SLC30A9: variants seen among roughly 807,000 people sequenced by gnomAD.
SLC30A9 encodes solute carrier family 30 member 9.
In SLC30A9, 58 loss-of-function variants were observed where a neutral mutation model predicts 87.5. The ratio of observed to expected loss-of-function variants is 0.66; its 90% CI spans 0.54 to 0.82. SLC30A9 has a LOEUF of 0.82. Among genes scored for constraint, SLC30A9 ranks in the 40% least tolerant of loss-of-function variants. The pLI is 0.00. For synonymous variants in SLC30A9, 234 were observed against 233.0 expected (o/e 1.00, Z -0.04); for missense variants, 557 against 679.1 (o/e 0.82, Z 2.00).
At chr4:42,023,501 G>A (rs1231634617) in intron 6 of SLC30A9, 117 bp downstream of exon 6, 7 of 600,028 alleles carry the variant, frequency 1.2e-5, no homozygotes, top group Non-Finnish European at 2.1e-5. Context: ...GTTGCTTCCA[G>A]CAAATGCTAG....
chr4:41,992,045 A>G (rs1303700551), intron 1 of SLC30A9, among the ~76,000 whole-genome samples: 1 of 152,094 alleles, frequency 6.6e-6, no homozygotes, highest in African/African-American at 2.4e-5. Context: ...GGACAGAATG[A>G]ATCATCGGCT....
chr4:42,033,309 T>C (rs1716527424), intron 6 of SLC30A9, among the ~76,000 whole-genome samples: 1 of 151,834 alleles, frequency 6.6e-6, no homozygotes, highest in Admixed American at 6.6e-5. Context: ...AGTAACTGTT[T>C]TAAAGTTTTT....
At chr4:42,048,221 T>C (rs1344347557) in intron 8 of SLC30A9, among the ~76,000 whole-genome samples, 1 of 152,006 alleles carries the variant, frequency 6.6e-6, no homozygotes, top group Non-Finnish European at 1.5e-5. Flanking sequence ...AAACTTAAAT[T>C]ATAAATTTAA....
At chr4:42,030,563 G>C (rs1192125524) in intron 6 of SLC30A9, among the ~76,000 whole-genome samples, 2 of 150,098 alleles carry the variant, frequency 1.3e-5, no homozygotes, top group Non-Finnish European at 3.0e-5. Context: ...TATTCAATGG[G>C]AATGAAACTG....
intron 1 of SLC30A9, among the ~76,000 whole-genome samples, chr4:41,995,821 C>G (rs1263431613): frequency 6.6e-6 from 1 of 152,192 alleles, no homozygotes; most frequent in East Asian, 1.9e-4. Flanking sequence ...GTGATCCTCC[C>G]ACTTCAGCCT....
intron 7 of SLC30A9, among the ~76,000 whole-genome samples, chr4:42,037,332 A>G (rs1040579468): frequency 8.8e-5 from 13 of 147,030 alleles, no homozygotes; most frequent in African/African-American, 2.5e-4. Flanking sequence ...GAGAACTCCA[A>G]TAATGAGATA....
intron 1 of SLC30A9, among the ~76,000 whole-genome samples, chr4:41,999,007 A>G (rs1714866081): frequency 6.6e-6 from 1 of 152,228 alleles, no homozygotes. Flanking sequence ...AGAAAAAGCT[A>G]TCAAAGATTA....
chr4:42,002,194 G>T (rs539854702), intron 2 of SLC30A9, among the ~76,000 whole-genome samples: 1 of 151,004 alleles, frequency 6.6e-6, no homozygotes, highest in Non-Finnish European at 1.5e-5. Flanking sequence ...ATCCTATTTC[G>T]TCAATTTTTA....
At chr4:42,021,944 T>G (rs1294863398) in intron 4 of SLC30A9, among the ~76,000 whole-genome samples, 293 of 26,272 alleles carry the variant, frequency 0.011, 3 homozygotes, top group East Asian at 0.056. Flanking sequence ...TTTTTTTTTT[T>G]TTGAGACGGA....
intron 6 of SLC30A9, among the ~76,000 whole-genome samples, chr4:42,026,448 C>T (rs1376042525): frequency 6.6e-6 from 1 of 152,294 alleles, no homozygotes; most frequent in South Asian, 2.1e-4. Flanking sequence ...AAAATGTATA[C>T]ATATTTTTCT....
chr4:42,079,818 A>G (rs1007143222), intron 17 of SLC30A9, among the ~76,000 whole-genome samples: 2 of 151,676 alleles, frequency 1.3e-5, no homozygotes, highest in Admixed American at 6.6e-5. Context: ...GGGTTTCACT[A>G]TGTTGGCCAG....
intron 9 of SLC30A9, among the ~76,000 whole-genome samples, chr4:42,057,422 C>T (rs1388961213): frequency 2.0e-5 from 3 of 152,224 alleles, no homozygotes; most frequent in African/African-American, 4.8e-5. Context: ...CCCAACACCA[C>T]GTGGAAGCTG....
intron 2 of SLC30A9, among the ~76,000 whole-genome samples, chr4:42,012,673 G>T (rs191346586): frequency 6.6e-6 from 1 of 152,102 alleles, no homozygotes; most frequent in East Asian, 1.9e-4. Flanking sequence ...TCACCCTATT[G>T]TGCTATCAAA....
chr4:41,995,530 G>A lies in SLC30A9; in HGVS notation c.109+4770G>A, dbSNP rs561902252. Among the ~76,000 whole-genome samples the A allele has an allele frequency of 7.2e-5, 11 of 152,174 alleles. No individual in the cohort carries two copies. The East Asian group carries it at 9.7e-4, about 13-fold the overall frequency. The stretch of plus-strand genomic sequence containing the variant: ...CATAGAAGAGATAGGCAGGATGATG[G>A]GCTAGAAAGTAGCCAGGATGGGCTA... On this transcript the variant is annotated intron_variant, in intron 1 of 17. Transcript: ENST00000264451.
intron 8 of SLC30A9, among the ~76,000 whole-genome samples, chr4:42,044,572 C>A (rs533980663): frequency 1.3e-5 from 2 of 152,246 alleles, no homozygotes; most frequent in East Asian, 3.9e-4. Context: ...AAAGCAAGTT[C>A]TTAGAGACCT....
In SLC30A9 at chr4:42,088,898, A is replaced by G. The variant is rs574448340; in HGVS notation, c.*2772A>G. 1 of 152,346 alleles carries G rather than the reference A, an allele frequency of 6.6e-6. No homozygotes were observed. The highest frequency in any genetic ancestry group is 2.1e-4 in the South Asian group (1 of 4,824). The allele number at this position is 152,346 out of a possible 1,614,324, so 9.4% of individuals were successfully genotyped here. A position where few individuals can be genotyped will look rare whatever the true frequency, so the allele number is the denominator to read the frequency against. ...GTCGAGGCTGCAATGAGCTATGATC[A>G]TGCCACTCCAGCCTGAATGACAGAG... On this transcript the variant is annotated 3_prime_UTR_variant, in exon 18 of 18. Transcript: ENST00000264451.
At chr4:41,991,913 A>G (rs1002576772) in intron 1 of SLC30A9, among the ~76,000 whole-genome samples, 2 of 152,204 alleles carry the variant, frequency 1.3e-5, no homozygotes, top group Non-Finnish European at 2.9e-5. Context: ...TGTAAAGCTG[A>G]ATCTTAGAAT....
At chr4:42,085,895 G>A (rs1169600543) in intron 17 of SLC30A9, among the ~76,000 whole-genome samples, 187 bp from the exon 18 acceptor site, 1 of 150,884 alleles carries the variant, frequency 6.6e-6, no homozygotes, top group Non-Finnish European at 1.5e-5. Flanking sequence ...ACTACTTATT[G>A]TACTGTTTAT....
At chr4:42,081,282 A>G (rs951745490) in intron 17 of SLC30A9, among the ~76,000 whole-genome samples, 3 of 152,208 alleles carry the variant, frequency 2.0e-5, no homozygotes, top group East Asian at 1.9e-4. Flanking sequence ...CTATTTCATG[A>G]AAGACTTTTT....
Sources: gnomAD v4.1 joint callset for allele counts (sites outside exome capture counted in the v4.1 genomes callset) on GRCh38, gnomAD v4.1.1 for gene constraint, MANE v1.5 for transcripts, NCBI Gene and HGNC (gene_info 2026-07-23, HGNC 2026-07-21) for gene names.